The following TMEM39B variants were observed in gnomAD, a reference collection of about 807,000 sequenced individuals.
TMEM39B encodes the protein transmembrane protein 39B.
A neutral mutation model predicts 52.2 loss-of-function variants in TMEM39B; 23 were observed. That is an observed-to-expected ratio of 0.44 (90% CI 0.32 to 0.62). The LOEUF (loss-of-function observed/expected upper bound fraction) is 0.62. Ranked by LOEUF, TMEM39B falls within the 20% of genes least tolerant of loss-of-function variation. TMEM39B has a pLI of 0.06. For missense variants in TMEM39B, 547 were observed against 642.0 expected (o/e 0.85, Z 1.60); for synonymous variants, 285 against 264.0 (o/e 1.08, Z -0.77).
intron 1 of TMEM39B, chr1:32,073,375 G>T: frequency 2.2e-6 from 1 of 454,522 alleles, no homozygotes; most frequent in Non-Finnish European, 3.5e-6. Context: ...GGAGATTCTG[G>T]GCAGGGGGCG....
At chr1:32,089,327 T>G (rs980413667) in intron 5 of TMEM39B, among the ~76,000 whole-genome samples, 3 of 151,838 alleles carry the variant, frequency 2.0e-5, no homozygotes, top group African/African-American at 7.3e-5. Context: ...AGACAAGGGT[T>G]TCGCCATCTT....
In TMEM39B at chr1:32,075,841, T is replaced by TGG. The variant is rs751012672; in HGVS notation, c.351+20_351+21insGG. On this transcript the variant is annotated intron_variant, in intron 3 of 8. Transcript: ENST00000336294. The stretch of plus-strand genomic sequence containing the variant: ...CTCCCTGGTAGGTACCCAACAAGGG[T>TGG]GTGTGTGTGTGTGTGTGTGTGTGCG... The TGG allele has an allele frequency of 4.4e-6, 2 of 449,956 alleles. No homozygotes were observed. Among genetic ancestry groups the TGG allele is most frequent in the Non-Finnish European group, 5.9e-6 (2 of 337,530 alleles). The allele number at this position is 449,956 out of a possible 1,614,324, so 27.9% of individuals were successfully genotyped here. A position where few individuals can be genotyped will look rare whatever the true frequency, so the allele number is the denominator to read the frequency against.
chr1:32,090,080 C>A (rs1640540737), intron 5 of TMEM39B, among the ~76,000 whole-genome samples: 1 of 151,818 alleles, frequency 6.6e-6, no homozygotes. Flanking sequence ...CTCCTGGGGG[C>A]AGCCCAGGAA....
chr1:32,083,870 C>T (rs987699998), intron 5 of TMEM39B, among the ~76,000 whole-genome samples: 6 of 152,100 alleles, frequency 3.9e-5, no homozygotes, highest in African/African-American at 1.4e-4. Context: ...CTCAGCCTCC[C>T]AAGTAGCTGG....
intron 6 of TMEM39B, among the ~76,000 whole-genome samples, chr1:32,093,516 A>G (rs1384103452): frequency 7.0e-6 from 1 of 142,334 alleles, no homozygotes; most frequent in Non-Finnish European, 1.5e-5. Flanking sequence ...GGTTCAAGCA[A>G]TTCTCCTACC....
At chr1:32,076,939 G>A (rs1639888703) in intron 4 of TMEM39B, 93 bp downstream of exon 4, 4 of 1,451,654 alleles carry the variant, frequency 2.8e-6, no homozygotes, top group African/African-American at 1.4e-5. Context: ...CAGCCTTAGG[G>A]TATTTCCTTG....
chr1:32,082,579 C>T (rs188217980), intron 5 of TMEM39B, among the ~76,000 whole-genome samples: 18 of 151,904 alleles, frequency 1.2e-4, no homozygotes, highest in African/African-American at 3.4e-4. Context: ...CTCAACCTCC[C>T]GAGTAGCTGG....
chr1:32,073,563 G>C, intron 1 of TMEM39B: 1 of 991,902 alleles, frequency 1.0e-6, no homozygotes, highest in Non-Finnish European at 1.2e-6. Flanking sequence ...CTGGGCTGAG[G>C]GGCTTTATGT....
Position 32,076,800 on chromosome 1 carries a change from C to T in TMEM39B, c.389C>T (p.Thr130Ile). 1.2e-6 allele frequency: 2 copies of T among 1,614,074 alleles called. No homozygotes were observed. Among genetic ancestry groups the T allele is most frequent in the Non-Finnish European group, 1.7e-6 (2 of 1,180,006 alleles). The change falls in exon 4 of 9, where the codon ACC becomes ATC. Residue 130 changes from threonine (T) to isoleucine (I), a missense_variant. Physicochemically the swap from Thr to Ile is moderately conservative, Grantham distance 89. Coordinates refer to ENST00000336294, the MANE Select transcript of TMEM39B (RefSeq NM_018056.4). The part of the protein sequence containing the change: ...HLIDFNLLMV[T>I]TIVLGRRFIG... ...ATCGACTTCAACTTGCTGATGGTGACCACCATCGTTCTGGGCCGCCGCTTC... is the reference window on the plus strand; with the variant it reads ...ATCGACTTCAACTTGCTGATGGTGATCACCATCGTTCTGGGCCGCCGCTTC...
intron 5 of TMEM39B, among the ~76,000 whole-genome samples, chr1:32,077,882 T>G (rs553637866): frequency 2.3e-4 from 35 of 152,146 alleles, no homozygotes; most frequent in Non-Finnish European, 4.9e-4. Context: ...GACCCTAGAT[T>G]GTTGAGGATG....
At chr1:32,083,915 C>A (rs769110729) in intron 5 of TMEM39B, among the ~76,000 whole-genome samples, 1 of 151,908 alleles carries the variant, frequency 6.6e-6, no homozygotes, top group Admixed American at 6.6e-5. Flanking sequence ...CCAGCTAATG[C>A]CAGAGGTTAC....
At chr1:32,084,560 A>G (rs1323687378) in intron 5 of TMEM39B, among the ~76,000 whole-genome samples, 2 of 151,784 alleles carry the variant, frequency 1.3e-5, no homozygotes, top group Non-Finnish European at 2.9e-5. Context: ...CTGAATGTAG[A>G]TTTCTTTTTT....
chr1:32,081,430 C>A (rs895271434), intron 5 of TMEM39B, among the ~76,000 whole-genome samples: 1 of 151,896 alleles, frequency 6.6e-6, no homozygotes, highest in Non-Finnish European at 1.5e-5. Context: ...AGCCACTGTA[C>A]CTAGCCTGCT....
chr1:32,073,455 G>C, intron 1 of TMEM39B: 2 of 799,556 alleles, frequency 2.5e-6, no homozygotes, highest in South Asian at 1.1e-4. Context: ...ACTTCCGACT[G>C]AGGGAGCCCA....
At chr1:32,078,556 A>G (rs1639961431) in intron 5 of TMEM39B, among the ~76,000 whole-genome samples, 1 of 152,240 alleles carries the variant, frequency 6.6e-6, no homozygotes, top group South Asian at 2.1e-4. Context: ...GGAAAAAGAA[A>G]GTCCCACATA....
chr1:32,083,760 T>G (rs1014257477), intron 5 of TMEM39B, among the ~76,000 whole-genome samples: 3 of 152,132 alleles, frequency 2.0e-5, no homozygotes, highest in Admixed American at 6.6e-5. Flanking sequence ...TCCCAGCTAC[T>G]CAGGAGGCTA....
intron 5 of TMEM39B, among the ~76,000 whole-genome samples, chr1:32,088,956 G>A (rs1439802082): frequency 1.3e-5 from 2 of 151,962 alleles, no homozygotes; most frequent in Admixed American, 1.3e-4. Context: ...CAGAAACTAT[G>A]CTAAGGGTTG....
At chr1:32,082,727 A>T (rs1411229779) in intron 5 of TMEM39B, among the ~76,000 whole-genome samples, 5 of 151,526 alleles carry the variant, frequency 3.3e-5, no homozygotes, top group African/African-American at 1.2e-4. Context: ...AAGTGCTGGG[A>T]TTACAGGCAT....
At chr1:32,084,831 G>T (rs1640273940) in intron 5 of TMEM39B, among the ~76,000 whole-genome samples, 1 of 152,164 alleles carries the variant, frequency 6.6e-6, no homozygotes, top group African/African-American at 2.4e-5. Context: ...CTCCCAAAGT[G>T]CTGGGATTAC....
Sources: gnomAD v4.1 joint callset for allele counts (sites outside exome capture counted in the v4.1 genomes callset) on GRCh38, gnomAD v4.1.1 for gene constraint, MANE v1.5 for transcripts, NCBI Gene and HGNC (gene_info 2026-07-23, HGNC 2026-07-21) for gene names.